BMPER: variants seen among roughly 807,000 people sequenced by gnomAD.
BMPER encodes the protein BMP-binding endothelial regulator protein.
Under a neutral mutation model 87.3 loss-of-function variants are expected in BMPER, and 45 were observed. The ratio of observed to expected loss-of-function variants is 0.52; its 90% CI spans 0.41 to 0.66. The LOEUF (loss-of-function observed/expected upper bound fraction) is 0.66, where lower values mean the gene tolerates loss of function less well. Ranked by LOEUF, BMPER falls within the 30% of genes least tolerant of loss-of-function variation. The pLI, the probability that BMPER is intolerant of heterozygous loss-of-function variation, is 0.00. For missense variants in BMPER, 784 were observed against 867.5 expected (o/e 0.90, Z 1.21); for synonymous variants, 326 against 316.2 (o/e 1.03, Z -0.33).
At chr7:33,944,482 C>T (rs1431031909) in intron 3 of BMPER, among the ~76,000 whole-genome samples, 3 of 152,088 alleles carry the variant, frequency 2.0e-5, no homozygotes, top group Admixed American at 2.0e-4. Context: ...ATGATTTTCT[C>T]AATGGGAAAT....
chr7:33,962,801 T>C (rs1201878309), intron 3 of BMPER, among the ~76,000 whole-genome samples: 1 of 152,204 alleles, frequency 6.6e-6, no homozygotes, highest in African/African-American at 2.4e-5. Context: ...AGGGAGTTTC[T>C]TTTAAATATT....
intron 6 of BMPER, among the ~76,000 whole-genome samples, chr7:33,991,709 A>G (rs1335457791): frequency 2.5e-4 from 37 of 150,758 alleles, no homozygotes; most frequent in African/African-American, 8.6e-4. Flanking sequence ...TTGTGATGTT[A>G]GGGTGTCAAT....
intron 2 of BMPER, among the ~76,000 whole-genome samples, chr7:33,936,659 A>G (rs1184938892): frequency 6.6e-6 from 1 of 152,258 alleles, no homozygotes; most frequent in Admixed American, 6.5e-5. Flanking sequence ...GAAAAAACCA[A>G]AGATGCAAAT....
At chr7:34,010,176 T>C (rs1786840997) in intron 6 of BMPER, among the ~76,000 whole-genome samples, 1 of 151,916 alleles carries the variant, frequency 6.6e-6, no homozygotes, top group Admixed American at 6.6e-5. Context: ...CTTCTATTCC[T>C]TTTCTATTCC....
chr7:33,957,835 C>T (rs183644395), intron 3 of BMPER, among the ~76,000 whole-genome samples: 153 of 152,132 alleles, frequency 1.0e-3, no homozygotes, highest in South Asian at 1.9e-3. Flanking sequence ...CCTGATGAGC[C>T]GTGAACACCC....
intron 13 of BMPER, among the ~76,000 whole-genome samples, chr7:34,125,313 T>G (rs2127990252): frequency 6.6e-6 from 1 of 152,324 alleles, no homozygotes; most frequent in South Asian, 2.1e-4. Context: ...CATGCAAAAC[T>G]CTGACCATTG....
chr7:34,040,977 G>C (rs991678014), intron 6 of BMPER, among the ~76,000 whole-genome samples: 4 of 152,170 alleles, frequency 2.6e-5, no homozygotes, highest in Non-Finnish European at 5.9e-5. Context: ...ATAAAAAGCA[G>C]ACATAAAGCT....
At chr7:34,020,992 G>A (rs1273245956) in intron 6 of BMPER, among the ~76,000 whole-genome samples, 6 of 151,908 alleles carry the variant, frequency 3.9e-5, no homozygotes, top group African/African-American at 1.4e-4. Context: ...CTCCATTCCA[G>A]TTTGTTAACT....
chr7:34,109,748 G>A (rs963122332), intron 13 of BMPER, among the ~76,000 whole-genome samples: 10 of 152,192 alleles, frequency 6.6e-5, no homozygotes, highest in African/African-American at 1.7e-4. Flanking sequence ...TGCCTGCTGC[G>A]AACCTTGTTT....
intron 3 of BMPER, among the ~76,000 whole-genome samples, chr7:33,954,462 C>T (rs1400024856): frequency 6.6e-6 from 1 of 152,074 alleles, no homozygotes; most frequent in East Asian, 1.9e-4. Context: ...ACATTAGTTG[C>T]CAGGAATGAC....
intron 13 of BMPER, among the ~76,000 whole-genome samples, chr7:34,135,345 G>T (rs899213207): frequency 1.3e-5 from 2 of 152,256 alleles, no homozygotes; most frequent in East Asian, 1.9e-4. Context: ...GCAGGGGAGC[G>T]CAGGAAGGTA....
intron 12 of BMPER, among the ~76,000 whole-genome samples, chr7:34,082,127 T>G (rs1437758562): frequency 6.6e-6 from 1 of 152,158 alleles, no homozygotes; most frequent in Non-Finnish European, 1.5e-5. Context: ...CATCCCCAGA[T>G]GAGACATATG....
intron 6 of BMPER, among the ~76,000 whole-genome samples, chr7:34,010,050 T>A (rs756015646): frequency 6.6e-6 from 1 of 151,976 alleles, no homozygotes; most frequent in Non-Finnish European, 1.5e-5. Flanking sequence ...CTCCAAATAC[T>A]TTTATTTATC....
chr7:34,134,607 G>T (rs986500470), intron 13 of BMPER, among the ~76,000 whole-genome samples: 28 of 152,114 alleles, frequency 1.8e-4, no homozygotes, highest in African/African-American at 6.5e-4. Flanking sequence ...ATTTCTAAGG[G>T]TTACTGGTTA....
intron 14 of BMPER, among the ~76,000 whole-genome samples, chr7:34,144,877 A>G (rs2127995128): frequency 6.6e-6 from 1 of 152,338 alleles, no homozygotes; most frequent in Admixed American, 6.5e-5. Context: ...TCAGAAGAGA[A>G]GGCCACCCAT....
In BMPER at chr7:34,135,407, T is replaced by C. The variant is rs1196293650; in HGVS notation, c.1746-7823T>C. On this transcript the variant is annotated intron_variant, in intron 13 of 14. Coordinates refer to ENST00000649409, the MANE Select transcript of BMPER (RefSeq NM_001365308.1). ...ACATTGAGTGATTCTGTGTGGCTCC[T>C]GATGTCAGACCTGAGAGTTAACTGG... 2.0e-5 allele frequency among the ~76,000 whole-genome samples: 3 copies of C among 152,256 alleles called. No individual in the cohort carries two copies. In the East Asian group the frequency reaches 5.8e-4, roughly 29 times the overall value.
chr7:33,950,027 T>G (rs1784983128), intron 3 of BMPER, among the ~76,000 whole-genome samples: 1 of 152,236 alleles, frequency 6.6e-6, no homozygotes, highest in Non-Finnish European at 1.5e-5. Flanking sequence ...CAGCTTTCCT[T>G]GTCAAATTTA....
At chr7:34,112,475 A>G (rs1212157289) in intron 13 of BMPER, among the ~76,000 whole-genome samples, 2 of 119,598 alleles carry the variant, frequency 1.7e-5, no homozygotes, top group East Asian at 5.8e-4. Context: ...AGCCTGGGCG[A>G]CGGAGCGAGA....
At position 34,028,601 on chromosome 7, in the gene BMPER, G is replaced by GTTTTTTTTTTTTTTTTTTTTTTTTTTTT; in HGVS notation, c.577-17700_577-17673dup. Reference sequence around the variant, plus strand: ...ACATACAGTCCAAATCATTTTTTCTGTTTTTTTTTTTTTTTTTTTTTTTTT... The same window carrying GTTTTTTTTTTTTTTTTTTTTTTTTTTTT: ...ACATACAGTCCAAATCATTTTTTCTGTTTTTTTTTTTTTTTTTTTTTTTTTTTTTTTTTTTTTTTTTTTTTTTTTTTTT... On this transcript the variant is annotated intron_variant, in intron 6 of 14. Coordinates refer to ENST00000649409, the MANE Select transcript of BMPER (RefSeq NM_001365308.1). Among the ~76,000 whole-genome samples the GTTTTTTTTTTTTTTTTTTTTTTTTTTTT allele has an allele frequency of 3.1e-4, 11 of 36,060 alleles. 1 individual carries two copies. Among genetic ancestry groups the GTTTTTTTTTTTTTTTTTTTTTTTTTTTT allele is most frequent in the East Asian group, 1.2e-3 (1 of 820 alleles). The allele number at this position is 36,060 out of a possible 152,430, so 23.7% of individuals were successfully genotyped here.
Sources: gnomAD v4.1 joint callset for allele counts (sites outside exome capture counted in the v4.1 genomes callset) on GRCh38, gnomAD v4.1.1 for gene constraint, MANE v1.5 for transcripts, NCBI Gene and HGNC (gene_info 2026-07-23, HGNC 2026-07-21) for gene names.